Variants in DNAH3 observed in about 807,000 individuals in gnomAD.
The protein encoded by DNAH3 is axonemal beta dynein heavy chain 3.
A neutral mutation model predicts 432.5 loss-of-function variants in DNAH3; 332 were observed. The ratio of observed to expected loss-of-function variants is 0.77; its 90% CI spans 0.70 to 0.84. DNAH3 has a LOEUF of 0.84. DNAH3 is among the 40% of genes least tolerant of loss of function. The pLI is 0.00. For synonymous variants in DNAH3, 1,956 were observed against 1,900.2 expected (o/e 1.03, Z -0.76); for missense variants, 4,861 against 5,114.0 (o/e 0.95, Z 1.51).
At chr16:20,963,896 T>A in exon 53 of DNAH3, 2 of 1,614,048 alleles carry the variant, frequency 1.2e-6, no homozygotes, top group Non-Finnish European at 1.7e-6. Flanking sequence ...AAGGAATGCA[T>A]GTAGAGATTT....
intron 48 of DNAH3, among the ~76,000 whole-genome samples, chr16:20,984,621 G>A (rs1434270162): frequency 6.6e-6 from 1 of 152,204 alleles, no homozygotes; most frequent in East Asian, 1.9e-4. Flanking sequence ...TGTAATCCCA[G>A]CACTTCGGGA....
At chr16:20,980,162 G>GA (rs10667143) in intron 49 of DNAH3, among the ~76,000 whole-genome samples, 37,613 of 123,734 alleles carry the variant, frequency 0.3, 5,555 homozygotes, top group South Asian at 0.37. Flanking sequence ...TGACTTTGTA[G>GA]AAAAAAAAAT....
chr16:21,122,139 A>C lies in DNAH3; in HGVS notation c.1405-15T>G, dbSNP rs1597426598. On this transcript the variant is annotated splice_polypyrimidine_tract_variant and intron_variant, in intron 9 of 61. Transcript: ENST00000261383. ...TCATTCCCATCCTTCAGGAGACATA[A>C]GGTAGGGCAAGCGTTACAAAATTGG... 4 of 1,593,826 alleles carry C rather than the reference A, an allele frequency of 2.5e-6. No homozygotes were observed. The highest frequency in any genetic ancestry group is 3.4e-6 in the Non-Finnish European group (4 of 1,171,402).
intron 17 of DNAH3, 120 bp downstream of exon 17, chr16:21,098,496 A>G (rs898772133): frequency 1.0e-6 from 1 of 977,504 alleles, no homozygotes; most frequent in African/African-American, 1.7e-5. Flanking sequence ...AGAACTGGCC[A>G]ATGAGTTAAC....
At chr16:21,028,210 T>C (rs2088670698) in intron 37 of DNAH3, among the ~76,000 whole-genome samples, 1 of 152,036 alleles carries the variant, frequency 6.6e-6, no homozygotes, top group African/African-American at 2.4e-5. Context: ...TAATATATTT[T>C]TTAAAATTTT....
At chr16:21,137,574 C>A (rs1346806953) in intron 5 of DNAH3, among the ~76,000 whole-genome samples, 1 of 152,042 alleles carries the variant, frequency 6.6e-6, no homozygotes, top group Non-Finnish European at 1.5e-5. Context: ...AGGTGTGCAC[C>A]ACCACAGCCA....
At chr16:21,079,384 G>C (rs2091096038) in intron 20 of DNAH3, among the ~76,000 whole-genome samples, 1 of 152,176 alleles carries the variant, frequency 6.6e-6, no homozygotes, top group Non-Finnish European at 1.5e-5. Flanking sequence ...AGTACTTTGG[G>C]AGGCCAAGGC....
intron 53 of DNAH3, among the ~76,000 whole-genome samples, chr16:20,962,076 G>A (rs922749187): frequency 6.6e-6 from 1 of 151,622 alleles, no homozygotes; most frequent in African/African-American, 2.4e-5. Context: ...CATGAGAATT[G>A]CTTGAACCCG....
At chr16:20,986,915 C>T (rs1049920703) in intron 47 of DNAH3, among the ~76,000 whole-genome samples, 3 of 152,194 alleles carry the variant, frequency 2.0e-5, no homozygotes, top group Non-Finnish European at 4.4e-5. Flanking sequence ...AAAATATTCA[C>T]ACCTGGAAAA....
intron 53 of DNAH3, 26 bp downstream of exon 53, chr16:20,963,258 T>A (rs1398548665): frequency 6.2e-7 from 1 of 1,600,294 alleles, no homozygotes. Context: ...GCTTTCCACG[T>A]CTCTCCCACA....
chr16:21,138,811 T>TAA (rs368103118), intron 5 of DNAH3, among the ~76,000 whole-genome samples: 3,157 of 146,366 alleles, frequency 0.022, 45 homozygotes, highest in Non-Finnish European at 0.03. Context: ...CTCCCTCTAA[T>TAA]AAAAAAAAAA....
At chr16:21,135,893 T>C (rs1349321858) in intron 6 of DNAH3, among the ~76,000 whole-genome samples, 1 of 139,322 alleles carries the variant, frequency 7.2e-6, no homozygotes, top group Admixed American at 7.3e-5. Flanking sequence ...AAAAAAAAAA[T>C]TGTTTTAAAC....
chr16:21,000,139 A>AGTGGCACC (rs900610655), intron 43 of DNAH3, 85 bp downstream of exon 43: 2 of 1,414,586 alleles, frequency 1.4e-6, no homozygotes, highest in African/African-American at 2.8e-5. Flanking sequence ...AGGTATGTAC[A>AGTGGCACC]GTGGCACCAC....
chr16:21,041,240 G>T (rs569863474), intron 32 of DNAH3, among the ~76,000 whole-genome samples: 1 of 151,990 alleles, frequency 6.6e-6, no homozygotes, highest in African/African-American at 2.4e-5. Flanking sequence ...GCATGGTGGC[G>T]CATGGCTATA....
At chr16:21,128,758 C>T (rs979883389) in intron 7 of DNAH3, among the ~76,000 whole-genome samples, 1 of 150,248 alleles carries the variant, frequency 6.7e-6, no homozygotes, top group Non-Finnish European at 1.5e-5. Flanking sequence ...ACTTAGGAGG[C>T]TGAGGCAGGA....
At chr16:21,067,194 G>A in intron 24 of DNAH3, 89 bp downstream of exon 24, 1 of 1,475,036 alleles carries the variant, frequency 6.8e-7, no homozygotes, top group Non-Finnish European at 9.5e-7. Flanking sequence ...GACTAGATTG[G>A]TTGAAGCCAA....
chr16:21,031,400 G>T lies in DNAH3; in HGVS notation c.5198-114C>A, dbSNP rs1303898275. Reference sequence around the variant, plus strand: ...ACTTTTATAAATATGCCATATGAGGGAAGTCCTTCTTATAAAACATGTGCT... The same window carrying T: ...ACTTTTATAAATATGCCATATGAGGTAAGTCCTTCTTATAAAACATGTGCT... On this transcript the variant is annotated intron_variant, in intron 36 of 61. Transcript: ENST00000261383. 6 of 1,334,616 alleles carry T rather than the reference G, an allele frequency of 4.5e-6. No homozygotes were observed. The African/African-American group carries it at 8.8e-5, about 20-fold the overall frequency. The allele number at this position is 1,334,616 out of a possible 1,614,324, so 82.7% of individuals were successfully genotyped here.
chr16:21,097,245 C>A, intron 18 of DNAH3, 110 bp downstream of exon 18: 1 of 1,314,214 alleles, frequency 7.6e-7, no homozygotes, highest in Non-Finnish European at 1.1e-6. Flanking sequence ...GTGTCAGAAT[C>A]TGATTAAAAG....
At chr16:20,970,042 G>A (rs1480558278) in intron 51 of DNAH3, 52 bp from the exon 52 acceptor site, 1 of 1,556,110 alleles carries the variant, frequency 6.4e-7, no homozygotes, top group Non-Finnish European at 8.8e-7. Flanking sequence ...CTGGCACAAT[G>A]GGGGCGAAGC....
Sources: gnomAD v4.1 joint callset for allele counts (sites outside exome capture counted in the v4.1 genomes callset) on GRCh38, gnomAD v4.1.1 for gene constraint, MANE v1.5 for transcripts, NCBI Gene and HGNC (gene_info 2026-07-23, HGNC 2026-07-21) for gene names.